The following SPAG16 variants were observed in gnomAD, a reference collection of about 807,000 sequenced individuals.
SPAG16 encodes the protein sperm-associated antigen 16 protein.
A neutral mutation model predicts 80.4 loss-of-function variants in SPAG16; 86 were observed. The observed-to-expected ratio is 1.07, with a 90% CI of 0.90 to 1.28. The LOEUF (loss-of-function observed/expected upper bound fraction) is 1.28, where lower values mean the gene tolerates loss of function less well. Ranked by LOEUF, SPAG16 falls within the 50% of genes most tolerant of loss-of-function variation. SPAG16 has a pLI of 0.00. For missense variants in SPAG16, 870 were observed against 765.3 expected, an observed-to-expected ratio of 1.14 and a Z score of -1.61; for synonymous variants, 294 against 265.9, an observed-to-expected ratio of 1.11 and a Z score of -1.03.
chr2:213,777,237 A>ATTTTTTTTTTT (rs59548915), intron 10 of SPAG16, among the ~76,000 whole-genome samples: 1 of 82,702 alleles, frequency 1.2e-5, no homozygotes, highest in Admixed American at 1.7e-4. Context: ...GTTTGTAGGA[A>ATTTTTTTTTTT]TTTTTTTTTT....
rs187476666 is a variant in SPAG16 at position 214,067,245 on chromosome 2, C to A, written c.1528-40951C>A. On this transcript the variant is annotated intron_variant, in intron 13 of 15. Transcript: ENST00000331683. Reference sequence around the variant, plus strand: ...CCAGTAGCAGAACACAGCTGATAGACAAAGCACTGGTTTTGTTCAATAATT... The same window carrying A: ...CCAGTAGCAGAACACAGCTGATAGAAAAAGCACTGGTTTTGTTCAATAATT... Among the ~76,000 whole-genome samples, 36 of 152,282 alleles carry A rather than the reference C, an allele frequency of 2.4e-4. No individual in the cohort carries two copies. In the East Asian group the frequency reaches 6.7e-3, roughly 29 times the overall value.
chr2:213,484,932 T>C (rs1328353159), intron 9 of SPAG16, among the ~76,000 whole-genome samples: 1 of 152,156 alleles, frequency 6.6e-6, no homozygotes, highest in Non-Finnish European at 1.5e-5. Context: ...CATTTCTTGT[T>C]AGTGTTCTAG....
chr2:213,636,848 T>C (rs1050443261), intron 10 of SPAG16, among the ~76,000 whole-genome samples: 3 of 152,222 alleles, frequency 2.0e-5, no homozygotes, highest in African/African-American at 7.2e-5. Flanking sequence ...ATCTTGGAGC[T>C]TTTTGGATGA....
chr2:213,962,529 G>A (rs999219983), intron 12 of SPAG16, among the ~76,000 whole-genome samples: 7 of 152,164 alleles, frequency 4.6e-5, no homozygotes, highest in African/African-American at 1.7e-4. Context: ...AAGGGTATGT[G>A]TGTATACAGA....
At chr2:213,970,252 T>C (rs910812183) in intron 12 of SPAG16, among the ~76,000 whole-genome samples, 1 of 152,060 alleles carries the variant, frequency 6.6e-6, no homozygotes, top group African/African-American at 2.4e-5. Flanking sequence ...GTAGCTGTAG[T>C]GAAATATTGT....
At chr2:213,950,611 T>C (rs1212087268) in intron 12 of SPAG16, among the ~76,000 whole-genome samples, 1 of 152,058 alleles carries the variant, frequency 6.6e-6, no homozygotes, top group East Asian at 1.9e-4. Flanking sequence ...CATAGTTTGT[T>C]TGCTTGCTTC....
chr2:214,286,711 C>T (rs574676598), intron 15 of SPAG16, among the ~76,000 whole-genome samples: 51 of 152,180 alleles, frequency 3.4e-4, no homozygotes, highest in Non-Finnish European at 6.0e-4. Context: ...CACACCACTG[C>T]ACTCCAGCCT....
chr2:214,087,793 G>A (rs2051879027), intron 13 of SPAG16, among the ~76,000 whole-genome samples: 1 of 151,830 alleles, frequency 6.6e-6, no homozygotes, highest in Admixed American at 6.6e-5. Flanking sequence ...GGGTGCTATA[G>A]ACAAAAAAAT....
chr2:214,115,986 C>T (rs759776), intron 14 of SPAG16, among the ~76,000 whole-genome samples: 98,394 of 151,770 alleles, frequency 0.65, 33,063 homozygotes, highest in Non-Finnish European at 0.74. Context: ...AGGTAGGAGG[C>T]TGCAGAGCCC....
chr2:213,315,867 C>T (rs1430979027), intron 4 of SPAG16, among the ~76,000 whole-genome samples: 1 of 151,942 alleles, frequency 6.6e-6, no homozygotes, highest in Non-Finnish European at 1.5e-5. Flanking sequence ...TTTCACGGGC[C>T]TCTCTTGCTT....
At chr2:213,893,686 TTATATC>T (rs1463331951) in intron 11 of SPAG16, among the ~76,000 whole-genome samples, 2 of 152,094 alleles carry the variant, frequency 1.3e-5, no homozygotes, top group East Asian at 3.8e-4. Flanking sequence ...AATAACTTTA[TTATATC>T]TATAAGATAT....
intron 15 of SPAG16, among the ~76,000 whole-genome samples, chr2:214,178,586 G>T (rs1326108237): frequency 6.6e-6 from 1 of 151,210 alleles, no homozygotes; most frequent in Non-Finnish European, 1.5e-5. Context: ...AGTCTATATT[G>T]CTTTTGAATG....
At chr2:213,637,977 T>A (rs1289902734) in intron 10 of SPAG16, among the ~76,000 whole-genome samples, 4 of 152,308 alleles carry the variant, frequency 2.6e-5, no homozygotes, top group Admixed American at 6.5e-5. Flanking sequence ...CAGGATGGTC[T>A]CGATTTCCTG....
At chr2:213,908,494 C>T (rs1481073426) in intron 11 of SPAG16, among the ~76,000 whole-genome samples, 1 of 152,160 alleles carries the variant, frequency 6.6e-6, no homozygotes. Flanking sequence ...GGTTCAGTCT[C>T]CCTCTGTGAT....
At chr2:213,832,999 T>A (rs544899840) in intron 10 of SPAG16, among the ~76,000 whole-genome samples, 44 of 152,150 alleles carry the variant, frequency 2.9e-4, no homozygotes, top group Non-Finnish European at 6.0e-4. Context: ...ATGTTTCATA[T>A]AATACTTTTT....
At chr2:213,376,941 C>T (rs1362613211) in intron 9 of SPAG16, among the ~76,000 whole-genome samples, 1 of 152,148 alleles carries the variant, frequency 6.6e-6, no homozygotes. Flanking sequence ...CAGTCGCTCT[C>T]TTCTACTTCA....
chr2:214,399,497 G>T (rs908425419), intron 15 of SPAG16, among the ~76,000 whole-genome samples: 1 of 151,992 alleles, frequency 6.6e-6, no homozygotes, highest in Non-Finnish European at 1.5e-5. Flanking sequence ...TTTCCCCACA[G>T]ACAAACCTCC....
chr2:213,936,286 G>T (rs1261838308), intron 12 of SPAG16, among the ~76,000 whole-genome samples: 1 of 152,162 alleles, frequency 6.6e-6, no homozygotes, highest in Non-Finnish European at 1.5e-5. Flanking sequence ...AGTTAAATGA[G>T]TATGTACATA....
chr2:213,458,544 C>T (rs1392168440), intron 9 of SPAG16, among the ~76,000 whole-genome samples: 1 of 152,122 alleles, frequency 6.6e-6, no homozygotes, highest in African/African-American at 2.4e-5. Context: ...TGCACTCCAG[C>T]GTGGGCAACA....
Sources: gnomAD v4.1 joint callset for allele counts (sites outside exome capture counted in the v4.1 genomes callset) on GRCh38, gnomAD v4.1.1 for gene constraint, MANE v1.5 for transcripts, NCBI Gene and HGNC (gene_info 2026-07-23, HGNC 2026-07-21) for gene names.